ABCC3: variants seen among roughly 807,000 people sequenced by gnomAD.
ABCC3 encodes ATP binding cassette subfamily C member 3.
Under a neutral mutation model 165.3 loss-of-function variants are expected in ABCC3, and 121 were observed. The ratio of observed to expected loss-of-function variants is 0.73; its 90% CI spans 0.63 to 0.85. The LOEUF is 0.85. Ranked by LOEUF, ABCC3 falls within the 40% of genes least tolerant of loss-of-function variation. ABCC3 has a pLI of 0.00. For synonymous variants in ABCC3, 733 were observed against 810.1 expected, an observed-to-expected ratio of 0.90 and a Z score of 1.62; for missense variants, 1,869 against 1,964.1, an observed-to-expected ratio of 0.95 and a Z score of 0.92.
chr17:50,685,695 A>G (rs943014017), intron 29 of ABCC3, among the ~76,000 whole-genome samples: 1 of 151,934 alleles, frequency 6.6e-6, no homozygotes, highest in African/African-American at 2.4e-5. Context: ...TTCAAGTGCT[A>G]ATAGCCACAT....
At chr17:50,655,731 C>T (rs1366518891) in intron 1 of ABCC3, 101 bp from the exon 2 acceptor site, 14 of 1,100,498 alleles carry the variant, frequency 1.3e-5, no homozygotes, top group Non-Finnish European at 1.7e-5. Context: ...CACTCCACCC[C>T]TGTCTCTGAT....
Position 50,691,667 on chromosome 17 carries a change from G to C in ABCC3, c.*467G>C, listed in dbSNP as rs1968127364. On this transcript the variant is annotated 3_prime_UTR_variant, in exon 31 of 31. Coordinates refer to ENST00000285238, the MANE Select transcript of ABCC3 (RefSeq NM_003786.4). Reference sequence around the variant, plus strand: ...TGCTGCCTGAATCCATTAAAAATGGGAGTACTGATGAAATAAAACTACATG... The same window carrying C: ...TGCTGCCTGAATCCATTAAAAATGGCAGTACTGATGAAATAAAACTACATG... 1 of 165,844 alleles carries C rather than the reference G, an allele frequency of 6.0e-6. No individual in the cohort carries two copies. Among genetic ancestry groups the C allele is most frequent in the Non-Finnish European group, 1.3e-5 (1 of 75,384 alleles). 10.3% of individuals were successfully genotyped at this position (165,844 alleles called of 1,614,324 possible).
At chr17:50,655,693 G>T in intron 1 of ABCC3, 139 bp from the exon 2 acceptor site, 1 of 714,922 alleles carries the variant, frequency 1.4e-6, no homozygotes, top group South Asian at 2.0e-5. Flanking sequence ...CTGCTCATTT[G>T]TGTACTCTCT....
chr17:50,639,595 T>C (rs968051480), intron 1 of ABCC3, among the ~76,000 whole-genome samples: 5 of 151,662 alleles, frequency 3.3e-5, no homozygotes, highest in African/African-American at 4.9e-5. Flanking sequence ...CCCTGGGGAG[T>C]TGGGGGTGAA....
chr17:50,642,108 GAGA>G (rs1385211839), intron 1 of ABCC3, among the ~76,000 whole-genome samples: 2 of 152,230 alleles, frequency 1.3e-5, no homozygotes, highest in African/African-American at 2.4e-5. Context: ...GTGAGAGAAA[GAGA>G]AGAATCAGGG....
intron 1 of ABCC3, among the ~76,000 whole-genome samples, chr17:50,645,311 T>C (rs1351650650): frequency 7.1e-6 from 1 of 140,452 alleles, no homozygotes; most frequent in African/African-American, 2.7e-5. Context: ...GAGGCAGAGG[T>C]TGCAGTAAGC....
chr17:50,668,779 G>GC (rs1967580182), intron 14 of ABCC3, 74 bp from the exon 15 acceptor site: 1 of 1,283,088 alleles, frequency 7.8e-7, no homozygotes, highest in Non-Finnish European at 1.1e-6. Flanking sequence ...CCTTTCCCCT[G>GC]CCCCCCAGCC....
At chr17:50,664,280 C>A in intron 10 of ABCC3, 169 bp downstream of exon 10, 1 of 835,242 alleles carries the variant, frequency 1.2e-6, no homozygotes, top group Non-Finnish European at 1.8e-6. Flanking sequence ...CAGTGCGCCA[C>A]GATTGTGCCT....
intron 18 of ABCC3, 21 bp downstream of exon 18, chr17:50,673,159 A>C: frequency 1.2e-6 from 2 of 1,612,488 alleles, no homozygotes; most frequent in Middle Eastern, 3.4e-4. Context: ...CCAGAGGCTA[A>C]GGGGGCTAAG....
chr17:50,676,249 G>T (rs750187734), intron 22 of ABCC3, 29 bp from the exon 23 acceptor site: 1 of 1,600,020 alleles, frequency 6.2e-7, no homozygotes, highest in South Asian at 1.1e-5. Flanking sequence ...TAGTCCAGGT[G>T]AGCCAGCGCC....
chr17:50,690,600 G>A (rs909768868), intron 30 of ABCC3, among the ~76,000 whole-genome samples: 3 of 152,150 alleles, frequency 2.0e-5, no homozygotes, highest in Admixed American at 2.0e-4. Context: ...TTGTGTGTGA[G>A]CTGGAGACCC....
intron 9 of ABCC3, 34 bp from the exon 10 acceptor site, chr17:50,663,916 G>A (rs765441579): frequency 1.4e-5 from 22 of 1,614,068 alleles, no homozygotes; most frequent in African/African-American, 2.7e-5. Context: ...CAAGAGGCTC[G>A]CAGCCAAGTC....
intron 6 of ABCC3, 134 bp from the exon 7 acceptor site, chr17:50,659,103 T>G (rs1300409987): frequency 2.7e-6 from 3 of 1,091,010 alleles, no homozygotes; most frequent in African/African-American, 3.2e-5. Flanking sequence ...AGGAGACACC[T>G]TTCATGGTCA....
intron 25 of ABCC3, chr17:50,679,546 A>G (rs1333673277): frequency 2.8e-6 from 1 of 359,614 alleles, no homozygotes; most frequent in Admixed American, 4.2e-5. Flanking sequence ...AGTCTTATAC[A>G]TATTAAAGTT....
chr17:50,673,964 C>CTTTCTTTCTTTCTT (rs1967719125), intron 19 of ABCC3, among the ~76,000 whole-genome samples: 4 of 23,224 alleles, frequency 1.7e-4, no homozygotes, highest in African/African-American at 8.4e-4. Flanking sequence ...TTCTTTCTTT[C>CTTTCTTTCTTTCTT]TTTCTTTCTT....
At chr17:50,655,148 C>G (rs1445933427) in intron 1 of ABCC3, among the ~76,000 whole-genome samples, 8 of 148,994 alleles carry the variant, frequency 5.4e-5, no homozygotes, top group African/African-American at 1.5e-4. Flanking sequence ...GCCGTCACGC[C>G]TGTAATCCCA....
At chr17:50,644,868 A>G (rs1197197032) in intron 1 of ABCC3, among the ~76,000 whole-genome samples, 1 of 152,076 alleles carries the variant, frequency 6.6e-6, no homozygotes, top group Non-Finnish European at 1.5e-5. Flanking sequence ...AATACAAAAA[A>G]TTAGACGGGC....
chr17:50,691,203 T>C lies in ABCC3; in HGVS notation c.*3T>C. On this transcript the variant is annotated 3_prime_UTR_variant, in exon 31 of 31. Coordinates refer to ENST00000285238, the MANE Select transcript of ABCC3 (RefSeq NM_003786.4). ...CCAGAGATGCTGGACTTGCCTAAAA[T>C]ATATTCCTGAGATTTCCTCCTGGCC... The C allele has an allele frequency of 6.2e-7, 1 of 1,608,948 alleles. No individual in the cohort carries two copies. Among genetic ancestry groups the C allele is most frequent in the South Asian group, 1.1e-5 (1 of 90,954 alleles).
Position 50,675,680 on chromosome 17 carries a change from C to T in ABCC3, c.2764C>T (p.Pro922Ser), listed in dbSNP as rs757883341. ...TGGGGAGGGACAGGGTCGGCCTGTACCCCGGAGGCACCTGGGTCCATCAGA... is the reference window on the plus strand; with the variant it reads ...TGGGGAGGGACAGGGTCGGCCTGTATCCCGGAGGCACCTGGGTCCATCAGA... The part of the protein sequence containing the change: ...SDGEGQGRPV[P>S]RRHLGPSEKV... Residue 922 changes from proline to serine, a missense_variant, in exon 21 of 31, where the codon CCC becomes TCC. Physicochemically the swap from Pro to Ser is moderately conservative, Grantham distance 74. Transcript: ENST00000285238. The T allele has an allele frequency of 8.9e-6, 14 of 1,572,966 alleles. No individual in the cohort carries two copies. The highest frequency in any genetic ancestry group is 1.7e-4 in the Middle Eastern group (1 of 5,812).
Sources: allele counts gnomAD v4.1 joint callset (sites outside exome capture counted in the v4.1 genomes callset), GRCh38; gene constraint gnomAD v4.1.1; transcripts MANE v1.5; gene names NCBI Gene and HGNC (gene_info 2026-07-23, HGNC 2026-07-21).